The following SKI variants were observed in gnomAD, a reference collection of about 807,000 sequenced individuals.
SKI encodes SKI proto-oncogene, also known as ski oncogene.
SKI carries 23 observed loss-of-function variants against 59.3 expected under a neutral mutation model. The observed-to-expected ratio is 0.39, with a 90% CI of 0.28 to 0.55. The LOEUF (loss-of-function observed/expected upper bound fraction) is 0.55. Among genes scored for constraint, SKI ranks in the 20% least tolerant of loss-of-function variants. The probability of loss-of-function intolerance (pLI) is 0.67; values close to 1 mark genes in which losing one functional copy is unlikely to be tolerated. For missense variants in SKI, 1,017 were observed against 1,038.9 expected, an observed-to-expected ratio of 0.98 and a Z score of 0.29; for synonymous variants, 673 against 488.6, an observed-to-expected ratio of 1.38 and a Z score of -4.98.
chr1:2,302,105 C>T (rs2100914233), intron 1 of SKI, among the ~76,000 whole-genome samples: 2 of 152,348 alleles, frequency 1.3e-5, no homozygotes, highest in East Asian at 3.9e-4. Context: ...GCTCAGGCCC[C>T]CAGCACACAA....
At position 2,307,482 on chromosome 1, in the gene SKI, C is replaced by G. The variant is rs1392887160; in HGVS notation, c.*717C>G. On this transcript the variant is annotated 3_prime_UTR_variant, in exon 7 of 7. Coordinates refer to ENST00000378536, the MANE Select transcript of SKI (RefSeq NM_003036.4). ...GGAGCTGAGGGGACGGTCTTCGGCT[C>G]CTCTGCACCCCGTGATTCTGCCCAC... is the stretch of plus-strand genomic sequence containing the variant. The G allele has an allele frequency of 6.6e-6, 1 of 152,382 alleles. No individual in the cohort carries two copies. The highest frequency in any genetic ancestry group is 1.5e-5 in the Non-Finnish European group (1 of 68,064). The allele number at this position is 152,382 out of a possible 1,614,324, so 9.4% of individuals were successfully genotyped here.
At chr1:2,290,966 C>CGAGA (rs1321989602) in intron 1 of SKI, among the ~76,000 whole-genome samples, 1 of 152,240 alleles carries the variant, frequency 6.6e-6, no homozygotes, top group East Asian at 1.9e-4. Flanking sequence ...CTGTTTGTCT[C>CGAGA]CCTCAATCTT....
intron 1 of SKI, among the ~76,000 whole-genome samples, chr1:2,271,907 G>A (rs917190084): frequency 6.6e-6 from 1 of 152,230 alleles, no homozygotes; most frequent in Admixed American, 6.5e-5. Context: ...TTTTGAAGAT[G>A]CATCTGGTCC....
At chr1:2,288,978 G>T (rs1251247111) in intron 1 of SKI, among the ~76,000 whole-genome samples, 1 of 152,218 alleles carries the variant, frequency 6.6e-6, no homozygotes, top group Non-Finnish European at 1.5e-5. Flanking sequence ...CTTCCTGCAG[G>T]TCCCCGGTGC....
At chr1:2,305,084 C>T (rs1420613838) in intron 5 of SKI, among the ~76,000 whole-genome samples, 2 of 152,208 alleles carry the variant, frequency 1.3e-5, no homozygotes, top group South Asian at 2.1e-4. Context: ...TTCCAGAAGG[C>T]GGCTCCCGCC....
At chr1:2,248,969 C>T (rs1168050442) in intron 1 of SKI, among the ~76,000 whole-genome samples, 1 of 152,212 alleles carries the variant, frequency 6.6e-6, no homozygotes, top group Admixed American at 6.5e-5. Context: ...CGCGTCTGGG[C>T]GCTGGCACGG....
Position 2,279,674 on chromosome 1 carries a change from G to A in SKI, c.970-23304G>A, listed in dbSNP as rs540354016. 3.0e-4 allele frequency among the ~76,000 whole-genome samples: 45 copies of A among 152,116 alleles called. 2 individuals carry two copies. The East Asian group carries it at 8.7e-3, about 29-fold the overall frequency. On this transcript the variant is annotated intron_variant, in intron 1 of 6. Transcript: ENST00000378536. ...GTGTTCTCCTGCCCACCCAGGCACT[G>A]GGCGTGGCCCAGCCCCACAGACAGA...
At chr1:2,291,608 C>T (rs538999053) in intron 1 of SKI, among the ~76,000 whole-genome samples, 2 of 114,528 alleles carry the variant, frequency 1.7e-5, no homozygotes, top group South Asian at 5.9e-4. Context: ...GGCCCTCCCC[C>T]ACCCCCTCAG....
At chr1:2,231,777 C>T (rs963389771) in intron 1 of SKI, among the ~76,000 whole-genome samples, 1 of 152,232 alleles carries the variant, frequency 6.6e-6, no homozygotes, top group African/African-American at 2.4e-5. Context: ...TCACCAGCTC[C>T]TGCGGGTTTT....
intron 1 of SKI, among the ~76,000 whole-genome samples, chr1:2,236,499 C>G (rs979654580): frequency 6.6e-6 from 1 of 152,074 alleles, no homozygotes; most frequent in African/African-American, 2.4e-5. Context: ...CTCAGCCTCC[C>G]GGGTTCAAGC....
intron 1 of SKI, among the ~76,000 whole-genome samples, chr1:2,244,979 A>G (rs1002397669): frequency 1.3e-5 from 2 of 152,236 alleles, no homozygotes; most frequent in African/African-American, 4.8e-5. Flanking sequence ...AGATCTAACA[A>G]TAATATATAC....
At chr1:2,259,389 A>T (rs1394608146) in intron 1 of SKI, among the ~76,000 whole-genome samples, 1 of 152,190 alleles carries the variant, frequency 6.6e-6, no homozygotes, top group Non-Finnish European at 1.5e-5. Flanking sequence ...TTTAGGATGG[A>T]AAAGGGCATC....
chr1:2,280,648 AGGACACCCGAGAAGACAGGC>A (rs1557836839), intron 1 of SKI, among the ~76,000 whole-genome samples: 88 of 117,052 alleles, frequency 7.5e-4, no homozygotes, highest in Non-Finnish European at 1.1e-3. Context: ...CTTCAGAGAG[AGGACACCCGAGAAGACAGGC>A]GGCGGCGGCG....
chr1:2,253,850 C>T lies in SKI; in HGVS notation c.969+24115C>T, dbSNP rs897815020. Among the ~76,000 whole-genome samples, 25 of 152,226 alleles carry T rather than the reference C, an allele frequency of 1.6e-4. 1 individual carries two copies. Among genetic ancestry groups the T allele is most frequent in the African/African-American group, 6.0e-4 (25 of 41,548 alleles). ...AGTGACAGCAGAGGGGAGGTGTGTG[C>T]GGGGGCCGGGCATCGATGCTGGACT... On this transcript the variant is annotated intron_variant, in intron 1 of 6. Coordinates refer to ENST00000378536, the MANE Select transcript of SKI (RefSeq NM_003036.4).
At chr1:2,233,794 T>C (rs1638695346) in intron 1 of SKI, among the ~76,000 whole-genome samples, 1 of 151,962 alleles carries the variant, frequency 6.6e-6, no homozygotes, top group African/African-American at 2.4e-5. Flanking sequence ...GGAGGAGTTG[T>C]GTTTTGCTCT....
intron 1 of SKI, among the ~76,000 whole-genome samples, chr1:2,277,690 C>G (rs1639773997): frequency 6.6e-6 from 1 of 150,840 alleles, no homozygotes; most frequent in Non-Finnish European, 1.5e-5. Context: ...TCATCAGGAC[C>G]CATGGGCACA....
At chr1:2,293,163 C>G (rs528226811) in intron 1 of SKI, among the ~76,000 whole-genome samples, 3 of 152,254 alleles carry the variant, frequency 2.0e-5, no homozygotes, top group African/African-American at 7.2e-5. Context: ...CCAGTGTGAG[C>G]TGGGGGTTGG....
intron 1 of SKI, among the ~76,000 whole-genome samples, chr1:2,280,459 T>C (rs1054361365): frequency 2.6e-5 from 4 of 151,920 alleles, no homozygotes; most frequent in African/African-American, 9.7e-5. Context: ...TGGTCTGCTG[T>C]AAGTGCAGTG....
At position 2,310,044 on chromosome 1, in the gene SKI, C is replaced by G. The variant is rs541593681; in HGVS notation, c.*3279C>G. ...GCTGCTAACGACAGTATGATGCTTACTCTGCTACTCGGAAACTATTTTTAT... is the reference window on the plus strand; with the variant it reads ...GCTGCTAACGACAGTATGATGCTTAGTCTGCTACTCGGAAACTATTTTTAT... On this transcript the variant is annotated 3_prime_UTR_variant, in exon 7 of 7. Coordinates refer to ENST00000378536, the MANE Select transcript of SKI (RefSeq NM_003036.4). 2 of 150,568 alleles carry G rather than the reference C, an allele frequency of 1.3e-5. No homozygotes were observed. The highest frequency in any genetic ancestry group is 3.0e-5 in the Non-Finnish European group (2 of 67,766). The allele number at this position is 150,568 out of a possible 1,614,324, so 9.3% of individuals were successfully genotyped here.
Sources: gnomAD v4.1 joint callset for allele counts (sites outside exome capture counted in the v4.1 genomes callset) on GRCh38, gnomAD v4.1.1 for gene constraint, MANE v1.5 for transcripts, NCBI Gene and HGNC (gene_info 2026-07-23, HGNC 2026-07-21) for gene names.